SETDB2: variants seen among roughly 807,000 people sequenced by gnomAD.
SETDB2 encodes histone-lysine N-methyltransferase SETDB2.
In SETDB2, 56 loss-of-function variants were observed where a neutral mutation model predicts 82.5. The ratio of observed to expected loss-of-function variants is 0.68; its 90% CI spans 0.55 to 0.85. The LOEUF (loss-of-function observed/expected upper bound fraction) is 0.85. Among genes scored for constraint, SETDB2 ranks in the 40% least tolerant of loss-of-function variants. The pLI is 0.00. For synonymous variants in SETDB2, 272 were observed against 284.9 expected (o/e 0.95, Z 0.46); for missense variants, 677 against 816.4 (o/e 0.83, Z 2.08).
Position 49,451,836 on chromosome 13 carries a change from A to G in SETDB2, c.-58A>G. ...TGGATTCCAGTGATATTCTGCAATC[A>G]AAGTGATTTGATAAACCTAATTTTG... On this transcript the variant is annotated 5_prime_UTR_variant, in exon 2 of 14. Coordinates refer to ENST00000611815, the MANE Select transcript of SETDB2 (RefSeq NM_001160308.3). 1 of 1,409,424 alleles carries G rather than the reference A, an allele frequency of 7.1e-7. No individual in the cohort carries two copies. Among genetic ancestry groups the G allele is most frequent in the Non-Finnish European group, 9.9e-7 (1 of 1,011,216 alleles). The allele number at this position is 1,409,424 out of a possible 1,614,324, so 87.3% of individuals were successfully genotyped here. A position where few individuals can be genotyped will look rare whatever the true frequency, so the allele number is the denominator to read the frequency against.
Position 49,481,064 on chromosome 13 carries a change from T to G in SETDB2, c.1104T>G (p.Gly368=). The change falls in exon 8 of 14, where the codon GGT becomes GGG. Residue 368 remains glycine, a synonymous_variant. Coordinates refer to ENST00000611815, the MANE Select transcript of SETDB2 (RefSeq NM_001160308.3). Reference sequence around the variant, plus strand: ...TCAAAACTGAGCAGAAGGGATGGGGTGTACGCTGTCTAGATGACATTGACA... The same window carrying G: ...TCAAAACTGAGCAGAAGGGATGGGGGGTACGCTGTCTAGATGACATTGACA... ...QVFKTEQKGW[G]VRCLDDIDRG... The G allele has an allele frequency of 6.2e-7, 1 of 1,614,104 alleles. No homozygotes were observed. The highest frequency in any genetic ancestry group is 8.5e-7 in the Non-Finnish European group (1 of 1,179,954).
Position 49,488,339 on chromosome 13 carries a change from T to A in SETDB2, c.1626T>A (p.Ile542=). The change falls in exon 12 of 14, where the codon ATT becomes ATA. Residue 542 remains isoleucine (I), a synonymous_variant. Coordinates refer to ENST00000611815, the MANE Select transcript of SETDB2 (RefSeq NM_001160308.3). ...ATGAGTTTGAAGATAATCTGCTGAT[T>A]GAATCAGATGTGATAGATATAACTA... ...HVDEFEDNLL[I]ESDVIDITKY... is the part of the protein sequence containing the mutation. 1 of 1,603,230 alleles carries A rather than the reference T, an allele frequency of 6.2e-7. No individual in the cohort carries two copies. Among genetic ancestry groups the A allele is most frequent in the South Asian group, 1.1e-5 (1 of 88,208 alleles).
At chr13:49,475,935 G>A (rs1436482677) in intron 5 of SETDB2, among the ~76,000 whole-genome samples, 1 of 152,120 alleles carries the variant, frequency 6.6e-6, no homozygotes, top group African/African-American at 2.4e-5. Context: ...CAGTATAAAG[G>A]ATTCTTGATG....
At chr13:49,451,296 G>C (rs1436859807) in intron 1 of SETDB2, among the ~76,000 whole-genome samples, 1 of 150,912 alleles carries the variant, frequency 6.6e-6, no homozygotes, top group Non-Finnish European at 1.5e-5. Context: ...TTATAAAATG[G>C]AGATAGTAAT....
intron 4 of SETDB2, among the ~76,000 whole-genome samples, chr13:49,464,496 A>G (rs1029200392): frequency 6.6e-6 from 1 of 152,314 alleles, no homozygotes; most frequent in African/African-American, 2.4e-5. Context: ...AACTAATTCT[A>G]AACATTTCTT....
In SETDB2 at chr13:49,485,660, G is replaced by T; in HGVS notation, c.1513G>T (p.Glu505Ter). The T allele has an allele frequency of 6.2e-7, 1 of 1,613,902 alleles. No homozygotes were observed. The highest frequency in any genetic ancestry group is 8.5e-7 in the Non-Finnish European group (1 of 1,179,930). ...TGTTTCCTCGGAGTCTGTCACTCCA[G>T]AAGATAATGATGGATTTAAACCACC... Reference protein sequence around the residue: ...EFVSSESVTPEDNDGFKPPRE... With the variant: ...EFVSSESVTP The change falls in exon 11 of 14, where the codon GAA becomes TAA. Residue 505 changes from glutamate to a stop codon, truncating the protein, a stop_gained. Transcript: ENST00000611815. LOFTEE classifies it high-confidence loss of function.
At chr13:49,454,661 A>G (rs1464521630) in intron 2 of SETDB2, among the ~76,000 whole-genome samples, 2 of 152,174 alleles carry the variant, frequency 1.3e-5, no homozygotes, top group Non-Finnish European at 2.9e-5. Context: ...GACGTCCTAA[A>G]TGATTTTTAA....
chr13:49,449,452 T>A (rs766236617), intron 1 of SETDB2, among the ~76,000 whole-genome samples: 23 of 152,272 alleles, frequency 1.5e-4, no homozygotes, highest in Admixed American at 6.5e-4. Flanking sequence ...GATTTCGCCA[T>A]GTTGGCCAGG....
chr13:49,471,913 C>CATATATATATATAT (rs1232849321), intron 5 of SETDB2, among the ~76,000 whole-genome samples: 178 of 107,692 alleles, frequency 1.7e-3, no homozygotes, highest in East Asian at 0.012. Flanking sequence ...TCTCATGTGA[C>CATATATATATATAT]ATATATATAT....
chr13:49,490,591 A>G (rs148540740), intron 12 of SETDB2, among the ~76,000 whole-genome samples: 1 of 152,336 alleles, frequency 6.6e-6, no homozygotes, highest in East Asian at 1.9e-4. Context: ...GACATATTTT[A>G]TAGGGATTTG....
intron 3 of SETDB2, among the ~76,000 whole-genome samples, 188 bp from the exon 4 acceptor site, chr13:49,460,909 G>A (rs1428834024): frequency 3.3e-5 from 5 of 152,124 alleles, no homozygotes; most frequent in Admixed American, 3.3e-4. Context: ...CTACTTCTTA[G>A]CTGAATGTCC....
chr13:49,476,746 A>G lies in SETDB2; in HGVS notation c.576A>G (p.Glu192=). The change falls in exon 6 of 14, where the codon GAA becomes GAG. Residue 192 remains glutamate, a synonymous_variant. Coordinates refer to ENST00000611815, the MANE Select transcript of SETDB2 (RefSeq NM_001160308.3). The stretch of plus-strand genomic sequence containing the variant: ...GAAGGAGTCTACGAAACGTGGAGGA[A>G]GTTTTTCGTTACCTGCTTGAGACAG... The part of the protein sequence containing the change: ...PCGRSLRNVE[E]VFRYLLETEC... The G allele has an allele frequency of 1.2e-6, 2 of 1,614,192 alleles. No homozygotes were observed. The highest frequency in any genetic ancestry group is 8.5e-7 in the Non-Finnish European group (1 of 1,180,030).
rs1958774990 is a variant in SETDB2 at position 49,494,860 on chromosome 13, CAACT to C, written c.*3013_*3016del. 1 of 152,056 alleles carries C rather than the reference CAACT, an allele frequency of 6.6e-6. No individual in the cohort carries two copies. Among genetic ancestry groups the C allele is most frequent in the Non-Finnish European group, 1.5e-5 (1 of 68,020 alleles). 9.4% of individuals were successfully genotyped at this position (152,056 alleles called of 1,614,324 possible). ...TTCCTTTAATTCCTCAGCAAACCAC[CAACT>C]ATTATATGTCTTTTTTCCAGAACAA... On this transcript the variant is annotated 3_prime_UTR_variant, in exon 14 of 14. Transcript: ENST00000611815.
At chr13:49,459,402 A>T (rs910638960) in intron 2 of SETDB2, among the ~76,000 whole-genome samples, 2 of 152,228 alleles carry the variant, frequency 1.3e-5, no homozygotes, top group Non-Finnish European at 2.9e-5. Context: ...CTTTGCTTAT[A>T]GGCCCTATTA....
chr13:49,454,446 C>T (rs1439810099), intron 2 of SETDB2, among the ~76,000 whole-genome samples: 1 of 151,888 alleles, frequency 6.6e-6, no homozygotes, highest in African/African-American at 2.4e-5. Flanking sequence ...TTAACCCATC[C>T]CCAGGTAGGA....
intron 5 of SETDB2, among the ~76,000 whole-genome samples, chr13:49,474,269 A>G (rs1346504764): frequency 6.6e-6 from 1 of 152,130 alleles, no homozygotes; most frequent in Non-Finnish European, 1.5e-5. Flanking sequence ...CTCTCTCAAA[A>G]AAAAAAGATT....
At chr13:49,484,317 TGG>T (rs1234959335) in intron 10 of SETDB2, among the ~76,000 whole-genome samples, 1 of 152,262 alleles carries the variant, frequency 6.6e-6, no homozygotes, top group African/African-American at 2.4e-5. Context: ...TTGCCCAGGC[TGG>T]AGTGCAATGG....
chr13:49,490,279 CAAAAAA>C (rs60013535), intron 12 of SETDB2, among the ~76,000 whole-genome samples: 1,474 of 83,186 alleles, frequency 0.018, 21 homozygotes, highest in African/African-American at 0.063. Flanking sequence ...GACTCCGTCT[CAAAAAA>C]AAAAAAAAAA....
intron 5 of SETDB2, among the ~76,000 whole-genome samples, chr13:49,470,522 CTT>C (rs146477545): frequency 0.028 from 4,254 of 152,286 alleles, 210 homozygotes; most frequent in African/African-American, 0.098. Flanking sequence ...CATTCAATAA[CTT>C]AAGCCAGGAA....
Sources: gnomAD v4.1 joint callset for allele counts (sites outside exome capture counted in the v4.1 genomes callset) on GRCh38, gnomAD v4.1.1 for gene constraint, MANE v1.5 for transcripts, NCBI Gene and HGNC (gene_info 2026-07-23, HGNC 2026-07-21) for gene names.